The following SLC45A4 variants were observed in gnomAD, a reference collection of about 807,000 sequenced individuals.
The protein encoded by SLC45A4 is solute carrier family 45 member 4.
SLC45A4 carries 32 observed loss-of-function variants against 63.7 expected under a neutral mutation model. The observed-to-expected ratio is 0.50, with a 90% confidence interval of 0.38 to 0.67. The LOEUF is 0.67. SLC45A4 is among the 30% of genes least tolerant of loss of function. The probability of loss-of-function intolerance (pLI) is 0.00; values close to 1 mark genes in which losing one functional copy is unlikely to be tolerated. For synonymous variants in SLC45A4, 535 were observed against 510.0 expected (o/e 1.05, Z -0.66); for missense variants, 1,027 against 1,157.7 (o/e 0.89, Z 1.64).
chr8:141,224,691 A>G (rs1279718339), intron 2 of SLC45A4: 1 of 152,278 alleles, frequency 6.6e-6, no homozygotes, highest in Non-Finnish European at 1.5e-5. Flanking sequence ...AGCTCAAGCA[A>G]TCTGCCCACC....
At chr8:141,222,988 T>C (rs1003928102) in intron 2 of SLC45A4, among the ~76,000 whole-genome samples, 8 of 152,204 alleles carry the variant, frequency 5.3e-5, no homozygotes, top group African/African-American at 1.7e-4. Flanking sequence ...CCTTACGAAA[T>C]AAAGGTGCTT....
At chr8:141,282,194 C>G (rs547551622) in intron 1 of SLC45A4, among the ~76,000 whole-genome samples, 2 of 152,316 alleles carry the variant, frequency 1.3e-5, no homozygotes, top group South Asian at 2.1e-4. Context: ...TGCCCAACCT[C>G]GAACCTGCAG....
intron 1 of SLC45A4, among the ~76,000 whole-genome samples, chr8:141,288,234 G>A (rs754106246): frequency 6.6e-6 from 1 of 152,134 alleles, no homozygotes; most frequent in African/African-American, 2.4e-5. Flanking sequence ...TCAGAGCCTC[G>A]AGGGCTGCCC....
At chr8:141,230,876 C>T (rs1393325207) in intron 2 of SLC45A4, among the ~76,000 whole-genome samples, 1 of 152,236 alleles carries the variant, frequency 6.6e-6, no homozygotes, top group Non-Finnish European at 1.5e-5. Flanking sequence ...ATGACGGCCC[C>T]AACGACGCGG....
At chr8:141,228,695 C>T (rs552993488) in intron 2 of SLC45A4, 13 of 907,464 alleles carry the variant, frequency 1.4e-5, no homozygotes, top group South Asian at 1.3e-4. Flanking sequence ...CCTGAGATTC[C>T]GGAAGCTTCC....
chr8:141,238,867 G>A (rs999619135), intron 2 of SLC45A4, among the ~76,000 whole-genome samples: 5 of 152,300 alleles, frequency 3.3e-5, no homozygotes, highest in East Asian at 1.9e-4. Flanking sequence ...CTGCAGACAC[G>A]CAGCCCCATG....
rs1435570394 is a variant in SLC45A4 at position 141,209,157 on chromosome 8, C to T, written c.*2415G>A. ...ATCAGCCAGAGCACCTCCCCTTTGA[C>T]ACTGACCGGCGTCCCCAGCCCCGCC... On this transcript the variant is annotated 3_prime_UTR_variant, in exon 9 of 9. Transcript: ENST00000517878. 1 of 152,508 alleles carries T rather than the reference C, an allele frequency of 6.6e-6. No individual in the cohort carries two copies. Among genetic ancestry groups the T allele is most frequent in the African/African-American group, 2.4e-5 (1 of 41,474 alleles). 9.4% of individuals were successfully genotyped at this position (152,508 alleles called of 1,614,324 possible).
chr8:141,242,726 G>C (rs1274129533), intron 2 of SLC45A4, among the ~76,000 whole-genome samples: 1 of 152,172 alleles, frequency 6.6e-6, no homozygotes. Context: ...CAGGCTGCTG[G>C]GAAGAGAGCC....
intron 1 of SLC45A4, among the ~76,000 whole-genome samples, chr8:141,291,085 G>A (rs1830330654): frequency 6.6e-6 from 1 of 152,196 alleles, no homozygotes; most frequent in African/African-American, 2.4e-5. Context: ...CTGACCTCAA[G>A]TGATCCGCCC....
Position 141,218,503 on chromosome 8 carries a change from A to C in SLC45A4, c.1137T>G (p.Asn379Lys), listed in dbSNP as rs762086381. The C allele has an allele frequency of 1.2e-6, 2 of 1,613,456 alleles. No homozygotes were observed. The highest frequency in any genetic ancestry group is 2.2e-5 in the South Asian group (2 of 91,088). The change falls in exon 5 of 9, where the codon AAT becomes AAG. Residue 379 changes from asparagine to lysine, a missense_variant. Asn to Lys is a moderately conservative substitution (Grantham distance 94, BLOSUM62 0). Coordinates refer to ENST00000517878, the MANE Select transcript of SLC45A4 (RefSeq NM_001286646.2). ...CACTTCCGTTTGGGACTTTAGCTTCATTCAAGTGATTATCCAGCAAGGTCT... is the reference window on the plus strand; with the variant it reads ...CACTTCCGTTTGGGACTTTAGCTTCCTTCAAGTGATTATCCAGCAAGGTCT... ...EDETLLDNHL[N>K]EAKVPNGSGS...
In SLC45A4 at chr8:141,243,933, C is replaced by T. The variant is rs146248718; in HGVS notation, c.241+10056G>A. Among the ~76,000 whole-genome samples the T allele has an allele frequency of 2.7e-3, 410 of 152,234 alleles. 2 individuals are homozygous for T. The highest frequency in any genetic ancestry group is 9.5e-3 in the African/African-American group (394 of 41,530). ...AATATAGAAGGTATGTGTCAACTGA[C>T]TGCTTATATTATTGGTAAGGCTTCC... is the stretch of plus-strand genomic sequence containing the variant. On this transcript the variant is annotated intron_variant, in intron 2 of 8. Coordinates refer to ENST00000517878, the MANE Select transcript of SLC45A4 (RefSeq NM_001286646.2).
chr8:141,239,080 C>A (rs1049432657), intron 2 of SLC45A4, among the ~76,000 whole-genome samples: 2 of 152,208 alleles, frequency 1.3e-5, no homozygotes, highest in African/African-American at 4.8e-5. Flanking sequence ...GCTGCCTGGG[C>A]CACGCGGTGA....
In SLC45A4 at chr8:141,211,536, T is replaced by G; in HGVS notation, c.*36A>C. Reference sequence around the variant, plus strand: ...ACAGGGCTGCCCTGGGCACAATGTGTCCAACTCGCTGAGGAAAAGAAGATA... The same window carrying G: ...ACAGGGCTGCCCTGGGCACAATGTGGCCAACTCGCTGAGGAAAAGAAGATA... On this transcript the variant is annotated 3_prime_UTR_variant, in exon 9 of 9. Coordinates refer to ENST00000517878, the MANE Select transcript of SLC45A4 (RefSeq NM_001286646.2). 1 of 1,613,114 alleles carries G rather than the reference T, an allele frequency of 6.2e-7. No individual in the cohort carries two copies. The highest frequency in any genetic ancestry group is 8.5e-7 in the Non-Finnish European group (1 of 1,179,886).
intron 2 of SLC45A4, among the ~76,000 whole-genome samples, chr8:141,237,301 C>G (rs1827678995): frequency 6.6e-6 from 1 of 152,172 alleles, no homozygotes; most frequent in South Asian, 2.1e-4. Context: ...AAACACCACT[C>G]TGCACTGAGC....
chr8:141,268,013 G>A (rs1471530787), intron 1 of SLC45A4, among the ~76,000 whole-genome samples: 1 of 152,230 alleles, frequency 6.6e-6, no homozygotes, highest in African/African-American at 2.4e-5. Context: ...CCTGTGCTCA[G>A]ATGTGAGAGC....
chr8:141,215,978 G>C lies in SLC45A4; in HGVS notation c.1730-8C>G. On this transcript the variant is annotated splice_polypyrimidine_tract_variant and splice_region_variant and intron_variant, in intron 6 of 8. Coordinates refer to ENST00000517878, the MANE Select transcript of SLC45A4 (RefSeq NM_001286646.2). The surrounding 1 kb of genome is among the most constrained non-coding windows in gnomAD (Gnocchi z 4.3). ...AGTACTTCTGTAACAGGGCTGCAGA[G>C]AGGGGCACAGGGACAAGGACAGTGG... 6.2e-7 allele frequency: 1 copy of C among 1,611,674 alleles called. No homozygotes were observed. The highest frequency in any genetic ancestry group is 8.5e-7 in the Non-Finnish European group (1 of 1,179,232).
chr8:141,246,784 T>C (rs1169063590), intron 2 of SLC45A4, among the ~76,000 whole-genome samples: 1 of 149,378 alleles, frequency 6.7e-6, no homozygotes, highest in African/African-American at 2.5e-5. Context: ...GAAAGAAAAA[T>C]ATAAAAAAAC....
intron 2 of SLC45A4, among the ~76,000 whole-genome samples, chr8:141,222,470 T>A (rs922221394): frequency 2.0e-5 from 3 of 150,730 alleles, no homozygotes; most frequent in African/African-American, 7.3e-5. Context: ...TGGTGCCTAT[T>A]GCAGACAGAG....
chr8:141,226,517 C>G (rs1273056849), intron 2 of SLC45A4: 1 of 152,308 alleles, frequency 6.6e-6, no homozygotes, highest in Non-Finnish European at 1.5e-5. Flanking sequence ...CCTGTCCCCT[C>G]TGGAGGAATC....
Sources: gnomAD v4.1 joint callset for allele counts (sites outside exome capture counted in the v4.1 genomes callset) on GRCh38, gnomAD v4.1.1 for gene constraint, Gnocchi (gnomAD v3.1) non-coding constraint, MANE v1.5 for transcripts, NCBI Gene and HGNC (gene_info 2026-07-23, HGNC 2026-07-21) for gene names.